Variants in LIPG observed in about 807,000 individuals in gnomAD.
LIPG encodes the protein lipase G, endothelial type, also known as endothelial lipase.
In LIPG, 34 loss-of-function variants were observed where a neutral mutation model predicts 51.8. The ratio of observed to expected loss-of-function variants is 0.66; its 90% confidence interval spans 0.50 to 0.87. The LOEUF (loss-of-function observed/expected upper bound fraction) is 0.87. Among genes scored for constraint, LIPG ranks in the 40% least tolerant of loss-of-function variants. LIPG has a pLI of 0.00. For missense variants in LIPG, 580 were observed against 652.7 expected (o/e 0.89, Z 1.21); for synonymous variants, 246 against 246.1 (o/e 1.00, Z 0.00).
intron 9 of LIPG, among the ~76,000 whole-genome samples, chr18:49,587,864 T>G (rs2084900241): frequency 6.6e-6 from 1 of 152,026 alleles, no homozygotes; most frequent in Non-Finnish European, 1.5e-5. Context: ...CCTGGCTCAC[T>G]GCAGCCTCGA....
intron 5 of LIPG, among the ~76,000 whole-genome samples, chr18:49,578,064 G>C (rs1466525351): frequency 3.0e-5 from 4 of 135,512 alleles, no homozygotes; most frequent in South Asian, 2.3e-4. Context: ...CTGGCCGGGC[G>C]GGGGGGCTGG....
chr18:49,582,922 A>C lies in LIPG; in HGVS notation c.1157+440A>C, dbSNP rs530676380. On this transcript the variant is annotated intron_variant, in intron 7 of 9. Coordinates refer to ENST00000261292, the MANE Select transcript of LIPG (RefSeq NM_006033.4). ...CCAGGGACAAAGCATCATGCCAAGT[A>C]ATGTTGGGATTGTGATGAAACATCA... Among the ~76,000 whole-genome samples the C allele has an allele frequency of 2.0e-5, 3 of 152,296 alleles. No homozygotes were observed. The South Asian group carries it at 6.2e-4, about 32-fold the overall frequency.
rs58075967 is a variant in LIPG at position 49,569,606 on chromosome 18, C to T, written c.571+58C>T. 4,678 of 1,321,990 alleles carry T rather than the reference C, an allele frequency of 3.5e-3. 101 individuals carry two copies. The African/African-American group carries it at 0.053, about 15-fold the overall frequency. The allele number at this position is 1,321,990 out of a possible 1,614,324, so 81.9% of individuals were successfully genotyped here. A position where few individuals can be genotyped will look rare whatever the true frequency, so the allele number is the denominator to read the frequency against. ...TCAGCTGCGCTAAGCCGGAATGCTC[C>T]CAAATGAGGCAGCAGAGTGAGTCAT... On this transcript the variant is annotated intron_variant, in intron 4 of 9. Coordinates refer to ENST00000261292, the MANE Select transcript of LIPG (RefSeq NM_006033.4).
intron 2 of LIPG, among the ~76,000 whole-genome samples, chr18:49,565,776 C>G (rs1273023778): frequency 1.3e-5 from 2 of 152,212 alleles, no homozygotes; most frequent in Non-Finnish European, 2.9e-5. Context: ...TTAAGGACCC[C>G]TCTAATTACA....
At chr18:49,578,719 C>G (rs2148852331) in intron 5 of LIPG, among the ~76,000 whole-genome samples, 1 of 150,626 alleles carries the variant, frequency 6.6e-6, no homozygotes, top group Admixed American at 6.6e-5. Flanking sequence ...CCACTGCACT[C>G]CAGCCTGGGC....
In LIPG at chr18:49,597,325, C is replaced by T. The variant is rs2084987838; in HGVS notation, c.*6803C>T. On this transcript the variant is annotated 3_prime_UTR_variant, in exon 10 of 10. Transcript: ENST00000261292. ...CCTTTCAGTAAACACCAGTATTTGTCCCTCCCCGTGTATGCCCAGTGGTTT... is the reference window on the plus strand; with the variant it reads ...CCTTTCAGTAAACACCAGTATTTGTTCCTCCCCGTGTATGCCCAGTGGTTT... The T allele has an allele frequency of 6.6e-6, 1 of 152,158 alleles. No homozygotes were observed. Among genetic ancestry groups the T allele is most frequent in the African/African-American group, 2.4e-5 (1 of 41,436 alleles). 9.4% of individuals were successfully genotyped at this position (152,158 alleles called of 1,614,324 possible).
At chr18:49,579,010 G>C (rs551399939) in intron 5 of LIPG, among the ~76,000 whole-genome samples, 10 of 48 alleles carry the variant, frequency 0.21, no homozygotes, top group South Asian at 0.5. Context: ...TGGGGAGAGG[G>C]AGAGGGAGAG....
At chr18:49,582,532 T>A in intron 7 of LIPG, 50 bp downstream of exon 7, 1 of 1,611,214 alleles carries the variant, frequency 6.2e-7, no homozygotes, top group Admixed American at 1.7e-5. Flanking sequence ...ACAGGTTGGT[T>A]TGAGAATGAG....
intron 8 of LIPG, 55 bp from the exon 9 acceptor site, chr18:49,586,691 C>T: frequency 1.5e-6 from 2 of 1,298,424 alleles, no homozygotes; most frequent in East Asian, 2.3e-5. Context: ...CTAGAAAGCA[C>T]AGCTGGATTC....
chr18:49,578,511 CG>C (rs2084757694), intron 5 of LIPG, among the ~76,000 whole-genome samples: 1 of 138,786 alleles, frequency 7.2e-6, no homozygotes, highest in Admixed American at 7.2e-5. Flanking sequence ...GGATGGCGGC[CG>C]GGCGGAGACG....
chr18:49,582,710 C>T lies in LIPG; in HGVS notation c.1157+228C>T, dbSNP rs77260741. ...GGGGAGAAAAGTTCCTGGGATGAAT[C>T]GGCATCATGAGAAGCTGCTGGGTCA... On this transcript the variant is annotated intron_variant, in intron 7 of 9. Transcript: ENST00000261292. 1.7e-4 allele frequency among the ~76,000 whole-genome samples: 26 copies of T among 152,304 alleles called. No individual in the cohort carries two copies. In the East Asian group the frequency reaches 4.6e-3, roughly 27 times the overall value.
chr18:49,593,976 CAT>C lies in LIPG; in HGVS notation c.*3455_*3456del, dbSNP rs760086744. ...TAATTAGCATACCCATCCTTTCAAACATGTATCATTTCTTTGTGTTGGGAACA... is the reference window on the plus strand; with the variant it reads ...TAATTAGCATACCCATCCTTTCAAACGTATCATTTCTTTGTGTTGGGAACA... On this transcript the variant is annotated 3_prime_UTR_variant, in exon 10 of 10. Coordinates refer to ENST00000261292, the MANE Select transcript of LIPG (RefSeq NM_006033.4). 1 of 152,308 alleles carries C rather than the reference CAT, an allele frequency of 6.6e-6. No homozygotes were observed. The highest frequency in any genetic ancestry group is 6.5e-5 in the Admixed American group (1 of 15,292). The allele number at this position is 152,308 out of a possible 1,614,324, so 9.4% of individuals were successfully genotyped here.
chr18:49,561,564 GGGAA>G (rs2084549820), upstream of LIPG: 2 of 742,596 alleles, frequency 2.7e-6, no homozygotes, highest in Admixed American at 4.3e-5. Context: ...CTCGCTAGGC[GGGAA>G]GGGAGGGAGA....
At chr18:49,588,111 C>A (rs2084902877) in intron 9 of LIPG, among the ~76,000 whole-genome samples, 1 of 151,562 alleles carries the variant, frequency 6.6e-6, no homozygotes. Flanking sequence ...TGATTGACAT[C>A]TTCTCTGTAA....
intron 5 of LIPG, among the ~76,000 whole-genome samples, chr18:49,576,701 C>T (rs2048911368): frequency 6.6e-6 from 1 of 151,974 alleles, no homozygotes; most frequent in Admixed American, 6.6e-5. Flanking sequence ...AAACTCCTGA[C>T]CTCAGGTGAT....
Position 49,567,633 on chromosome 18 carries a change from T to A in LIPG, c.459+12T>A, listed in dbSNP as rs754599971. The A allele has an allele frequency of 2.5e-6, 4 of 1,613,270 alleles. No homozygotes were observed. The South Asian group carries it at 4.4e-5, about 18-fold the overall frequency. ...TCGACTGGCTGCAGGTACTGGGGGA[T>A]GAGAGGGAGTCTCCTGTCACCAGCA... On this transcript the variant is annotated intron_variant, in intron 3 of 9. Transcript: ENST00000261292.
chr18:49,598,781 G>C lies in LIPG; in HGVS notation c.*8259G>C, dbSNP rs2084995061. 6.6e-6 allele frequency: 1 copy of C among 152,150 alleles called. No individual in the cohort carries two copies. Among genetic ancestry groups the C allele is most frequent in the Admixed American group, 6.5e-5 (1 of 15,268 alleles). 9.4% of individuals were successfully genotyped at this position (152,150 alleles called of 1,614,324 possible). ...AATTCTTCCCACTGCCCTCTCCCCA[G>C]GTTGTCCCTGATCTGCTTTTTGTCC... On this transcript the variant is annotated 3_prime_UTR_variant, in exon 10 of 10. Transcript: ENST00000261292.
intron 4 of LIPG, among the ~76,000 whole-genome samples, chr18:49,570,454 C>G (rs1474296747): frequency 6.6e-6 from 1 of 152,180 alleles, no homozygotes; most frequent in Non-Finnish European, 1.5e-5. Flanking sequence ...CCCCTAGCTT[C>G]CCCCTTACTC....
At chr18:49,567,266 T>C (rs1021581967) in intron 2 of LIPG, among the ~76,000 whole-genome samples, 176 bp from the exon 3 acceptor site, 4 of 151,304 alleles carry the variant, frequency 2.6e-5, no homozygotes, top group Non-Finnish European at 4.4e-5. Context: ...AGCTCAGGAG[T>C]TGGAGGCTAT....
Sources: allele counts gnomAD v4.1 joint callset (sites outside exome capture counted in the v4.1 genomes callset), GRCh38; gene constraint gnomAD v4.1.1; transcripts MANE v1.5; gene names NCBI Gene and HGNC (gene_info 2026-07-23, HGNC 2026-07-21).